NKD1: variants seen among roughly 807,000 people sequenced by gnomAD.
NKD1 encodes the protein NKD inhibitor of Wnt signaling pathway 1, also known as protein naked cuticle homolog 1.
In NKD1, 21 loss-of-function variants were observed where a neutral mutation model predicts 56.0. The ratio of observed to expected loss-of-function variants is 0.38; its 90% CI spans 0.27 to 0.54. The LOEUF is 0.54. Ranked by LOEUF, NKD1 falls within the 20% of genes least tolerant of loss-of-function variation. The pLI, the probability that NKD1 is intolerant of heterozygous loss-of-function variation, is 0.82. For missense variants in NKD1, 578 were observed against 642.7 expected (o/e 0.90, Z 1.09); for synonymous variants, 263 against 265.7 (o/e 0.99, Z 0.10).
rs1387687849 is a variant in NKD1, at chr16:50,634,439, C to A, written c.*658C>A. On this transcript the variant is annotated 3_prime_UTR_variant, in exon 10 of 10. Coordinates refer to ENST00000268459, the MANE Select transcript of NKD1 (RefSeq NM_033119.5). ...CCATGCACGACATGAAAATCCACTT[C>A]TCTTCCTTCTCCTTCTTCTCTCTCT... is the stretch of plus-strand genomic sequence containing the variant. 2.6e-5 allele frequency: 4 copies of A among 152,412 alleles called. No individual in the cohort carries two copies. Among genetic ancestry groups the A allele is most frequent in the African/African-American group, 9.7e-5 (4 of 41,442 alleles). 9.4% of individuals were successfully genotyped at this position (152,412 alleles called of 1,614,324 possible).
At chr16:50,562,018 A>G (rs1960644854) in intron 3 of NKD1, among the ~76,000 whole-genome samples, 3 of 152,228 alleles carry the variant, frequency 2.0e-5, no homozygotes. Context: ...ACTAAGAAAT[A>G]TGTGCAGGGG....
At chr16:50,572,743 G>C (rs1305846861) in intron 3 of NKD1, among the ~76,000 whole-genome samples, 1 of 152,176 alleles carries the variant, frequency 6.6e-6, no homozygotes, top group African/African-American at 2.4e-5. Context: ...CCCAGCTTGG[G>C]TGCAGCACGG....
chr16:50,549,945 C>T (rs1238807997), intron 3 of NKD1, among the ~76,000 whole-genome samples: 1 of 152,074 alleles, frequency 6.6e-6, no homozygotes. Context: ...GGGTGGAAGG[C>T]AGAGCTGTGC....
At chr16:50,601,655 C>T (rs746244061) in intron 3 of NKD1, among the ~76,000 whole-genome samples, 12 of 152,196 alleles carry the variant, frequency 7.9e-5, no homozygotes, top group East Asian at 1.9e-4. Flanking sequence ...CGTCAGCTCC[C>T]GAGGGAGGGG....
At chr16:50,603,947 A>G (rs1054480400) in intron 3 of NKD1, among the ~76,000 whole-genome samples, 1 of 152,232 alleles carries the variant, frequency 6.6e-6, no homozygotes, top group Non-Finnish European at 1.5e-5. Flanking sequence ...AGGGGCCACC[A>G]ATCCAGGCCA....
intron 3 of NKD1, among the ~76,000 whole-genome samples, chr16:50,603,279 G>A (rs1215970737): frequency 6.6e-6 from 1 of 152,238 alleles, no homozygotes; most frequent in Non-Finnish European, 1.5e-5. Context: ...TCTGGACGCT[G>A]AGGAGTGGAG....
chr16:50,581,427 G>T (rs949232632), intron 3 of NKD1, among the ~76,000 whole-genome samples: 6 of 152,234 alleles, frequency 3.9e-5, no homozygotes, highest in Non-Finnish European at 8.8e-5. Flanking sequence ...TTGGCAAACA[G>T]TGCTGCAGGG....
chr16:50,618,116 G>C (rs530853800), intron 4 of NKD1, among the ~76,000 whole-genome samples: 4 of 152,228 alleles, frequency 2.6e-5, no homozygotes, highest in African/African-American at 9.6e-5. Context: ...TCACCCAAAA[G>C]TGCTTCTTAG....
At chr16:50,611,382 G>C (rs905028776) in intron 4 of NKD1, among the ~76,000 whole-genome samples, 1 of 152,244 alleles carries the variant, frequency 6.6e-6, no homozygotes, top group South Asian at 2.1e-4. Context: ...TTCCCTAAAG[G>C]AGATGCTCAG....
chr16:50,572,816 G>T (rs1486509862), intron 3 of NKD1: 1 of 911,304 alleles, frequency 1.1e-6, no homozygotes, highest in Non-Finnish European at 1.3e-6. Context: ...TTTCTTTCAA[G>T]CCCAGGAGAT....
At chr16:50,625,845 G>A (rs953156883) in intron 6 of NKD1, among the ~76,000 whole-genome samples, 1 of 94,124 alleles carries the variant, frequency 1.1e-5, no homozygotes, top group South Asian at 2.7e-4. Context: ...AGAAGTTGGG[G>A]GGGGCAGGTG....
At chr16:50,588,269 G>A (rs940750266) in intron 3 of NKD1, among the ~76,000 whole-genome samples, 1 of 152,226 alleles carries the variant, frequency 6.6e-6, no homozygotes, top group African/African-American at 2.4e-5. Flanking sequence ...CTGATTTCAA[G>A]TTAACTTAAA....
chr16:50,633,158 G>C lies in NKD1; in HGVS notation c.824-34G>C, dbSNP rs772385993. 3 of 1,564,810 alleles carry C rather than the reference G, an allele frequency of 1.9e-6. No homozygotes were observed. In the Admixed American group the frequency reaches 5.3e-5, roughly 28 times the overall value. On this transcript the variant is annotated intron_variant, in intron 9 of 9. Transcript: ENST00000268459. This position sits in a 1 kb window ranked among gnomAD's most constrained non-coding sequence, Gnocchi z 4.9. ...TAGCGCAAGCCCCAGCACACAGTAG[G>C]TGCTCATTAAATGTCTGTTGAATTG...
intron 3 of NKD1, among the ~76,000 whole-genome samples, chr16:50,583,588 A>G (rs1279411591): frequency 2.2e-4 from 34 of 152,198 alleles, no homozygotes; most frequent in Non-Finnish European, 2.9e-5. Context: ...GAAAGATAGT[A>G]AAATGATGGT....
chr16:50,554,121 G>A (rs1480075221), intron 3 of NKD1, among the ~76,000 whole-genome samples: 1 of 152,172 alleles, frequency 6.6e-6, no homozygotes, highest in East Asian at 1.9e-4. Flanking sequence ...GAGGCTGGAT[G>A]CCCCTGAGCC....
At chr16:50,596,163 G>A (rs1196683367) in intron 3 of NKD1, among the ~76,000 whole-genome samples, 1 of 152,180 alleles carries the variant, frequency 6.6e-6, no homozygotes, top group Non-Finnish European at 1.5e-5. Context: ...TGTGGCCTGG[G>A]TGCACTGTGT....
At chr16:50,631,181 C>T (rs1353619904) in intron 8 of NKD1, among the ~76,000 whole-genome samples, 5 of 152,134 alleles carry the variant, frequency 3.3e-5, no homozygotes, top group African/African-American at 7.2e-5. Context: ...CAGGCTCTGA[C>T]GTGTTGCTGT....
intron 3 of NKD1, among the ~76,000 whole-genome samples, chr16:50,585,369 C>T (rs544289044): frequency 5.3e-5 from 8 of 152,280 alleles, no homozygotes; most frequent in Admixed American, 6.5e-5. Context: ...AGAAGGCGCC[C>T]GGCAGCTGGG....
Position 50,636,980 on chromosome 16 carries a change from A to C in NKD1, c.*3199A>C, listed in dbSNP as rs1962481650. On this transcript the variant is annotated 3_prime_UTR_variant, in exon 10 of 10. Transcript: ENST00000268459. ...ATGCTATTTTTTTCAGTAACTGAAT[A>C]TATTTGGAGATCTCCCTCCCTAGGT... 1 of 152,096 alleles carries C rather than the reference A, an allele frequency of 6.6e-6. No individual in the cohort carries two copies. Among genetic ancestry groups the C allele is most frequent in the African/African-American group, 2.4e-5 (1 of 41,370 alleles). 9.4% of individuals were successfully genotyped at this position (152,096 alleles called of 1,614,324 possible).
Sources: allele counts gnomAD v4.1 joint callset (sites outside exome capture counted in the v4.1 genomes callset), GRCh38; gene constraint gnomAD v4.1.1; non-coding constraint Gnocchi (gnomAD v3.1); transcripts MANE v1.5; gene names NCBI Gene and HGNC (gene_info 2026-07-23, HGNC 2026-07-21).